PLEKHA7: variants seen among roughly 807,000 people sequenced by gnomAD.
PLEKHA7 encodes pleckstrin homology domain-containing family A member 7.
A neutral mutation model predicts 170.0 loss-of-function variants in PLEKHA7; 104 were observed. That is an observed-to-expected ratio of 0.61 (90% CI 0.52 to 0.72). The LOEUF (loss-of-function observed/expected upper bound fraction) is 0.72, where lower values mean the gene tolerates loss of function less well. PLEKHA7 is among the 30% of genes least tolerant of loss of function. The probability of loss-of-function intolerance (pLI) is 0.00; values close to 1 mark genes in which losing one functional copy is unlikely to be tolerated. For synonymous variants in PLEKHA7, 648 were observed against 660.8 expected, an observed-to-expected ratio of 0.98 and a Z score of 0.30; for missense variants, 1,615 against 1,671.7, an observed-to-expected ratio of 0.97 and a Z score of 0.59.
intron 3 of PLEKHA7, among the ~76,000 whole-genome samples, chr11:16,964,836 C>G (rs1047240476): frequency 6.6e-6 from 1 of 152,112 alleles, no homozygotes; most frequent in African/African-American, 2.4e-5. Flanking sequence ...TCAAGATGAC[C>G]CACGGAGTTC....
intron 3 of PLEKHA7, among the ~76,000 whole-genome samples, chr11:16,972,179 G>T (rs1462888498): frequency 1.3e-5 from 2 of 152,154 alleles, no homozygotes; most frequent in Admixed American, 6.5e-5. Flanking sequence ...CTGGAGTGCA[G>T]TGGCATGATC....
rs142208668 is a variant in PLEKHA7 at position 16,902,373 on chromosome 11, T to C, written c.222-31191A>G. On this transcript the variant is annotated intron_variant, in intron 3 of 26. Transcript: ENST00000531066. ...GGTATATACCTAGGAATGGAATTCA[T>C]GACTCATATGGTAACTTTACGTTTA... is the stretch of plus-strand genomic sequence containing the variant. Among the ~76,000 whole-genome samples the C allele has an allele frequency of 9.2e-5, 14 of 152,348 alleles. No individual in the cohort carries two copies. In the East Asian group the frequency reaches 2.7e-3, roughly 29 times the overall value.
chr11:16,855,986 C>A, intron 4 of PLEKHA7, 72 bp from the exon 5 acceptor site: 1 of 1,303,650 alleles, frequency 7.7e-7, no homozygotes, highest in African/African-American at 1.5e-5. Flanking sequence ...AGATCAGTTC[C>A]AGGTAGGAAT....
chr11:16,892,616 C>CTTTTT (rs1479729633), intron 3 of PLEKHA7, among the ~76,000 whole-genome samples: 23 of 82,856 alleles, frequency 2.8e-4, no homozygotes, highest in African/African-American at 1.1e-3. Flanking sequence ...CAGCTTCCAG[C>CTTTTT]TTCTTTTTTT....
chr11:16,926,933 G>T (rs1859594994), intron 3 of PLEKHA7, among the ~76,000 whole-genome samples: 1 of 152,182 alleles, frequency 6.6e-6, no homozygotes, highest in African/African-American at 2.4e-5. Context: ...ACCTTCACTT[G>T]AGGCTCCAAC....
intron 3 of PLEKHA7, among the ~76,000 whole-genome samples, chr11:16,943,721 C>A (rs1860839544): frequency 6.6e-6 from 1 of 152,192 alleles, no homozygotes; most frequent in South Asian, 2.1e-4. Flanking sequence ...TCGCATTCAT[C>A]ATTTCATCAG....
chr11:16,894,092 C>G (rs756731599), intron 3 of PLEKHA7, among the ~76,000 whole-genome samples: 58 of 152,146 alleles, frequency 3.8e-4, no homozygotes, highest in Admixed American at 9.8e-4. Flanking sequence ...CTCCAGAGGC[C>G]CAACAGCTCA....
At chr11:16,997,640 C>T (rs753953093) in intron 3 of PLEKHA7, among the ~76,000 whole-genome samples, 27 of 152,316 alleles carry the variant, frequency 1.8e-4, no homozygotes, top group Middle Eastern at 3.4e-3. Flanking sequence ...TCTCTGAGCC[C>T]CAGCACAGCC....
At chr11:16,957,734 C>T (rs1369802804) in intron 3 of PLEKHA7, among the ~76,000 whole-genome samples, 3 of 120,110 alleles carry the variant, frequency 2.5e-5, no homozygotes, top group African/African-American at 3.5e-5. Flanking sequence ...GACAGAGTCT[C>T]GCCCTGTTGC....
At chr11:16,815,526 T>G (rs557096527) in intron 12 of PLEKHA7, among the ~76,000 whole-genome samples, 1 of 151,736 alleles carries the variant, frequency 6.6e-6, no homozygotes, top group East Asian at 1.9e-4. Flanking sequence ...AGACTCAAGC[T>G]TTTTTTTTCT....
At chr11:16,955,133 C>T (rs926544425) in intron 3 of PLEKHA7, among the ~76,000 whole-genome samples, 12 of 152,148 alleles carry the variant, frequency 7.9e-5, no homozygotes, top group Admixed American at 3.3e-4. Context: ...CTATGCTAGG[C>T]GCCCTAGAGA....
chr11:16,875,510 G>A (rs529558439), intron 3 of PLEKHA7, among the ~76,000 whole-genome samples: 10 of 151,824 alleles, frequency 6.6e-5, no homozygotes, highest in South Asian at 6.3e-4. Context: ...GCAGTGGAAC[G>A]ATCTCAGCTC....
intron 23 of PLEKHA7, 36 bp from the exon 24 acceptor site, chr11:16,786,423 CCTG>C: frequency 1.3e-6 from 2 of 1,534,156 alleles, no homozygotes. Flanking sequence ...GTAGTCGCTT[CCTG>C]ATTGCTGAAA....
At chr11:17,002,448 C>T (rs1361401557) in intron 3 of PLEKHA7, among the ~76,000 whole-genome samples, 1 of 151,832 alleles carries the variant, frequency 6.6e-6, no homozygotes, top group Non-Finnish European at 1.5e-5. Context: ...TGATGAGAGC[C>T]ACAAGGCACC....
chr11:16,798,617 T>C (rs1461525696), intron 17 of PLEKHA7, among the ~76,000 whole-genome samples: 2 of 152,234 alleles, frequency 1.3e-5, no homozygotes, highest in Non-Finnish European at 2.9e-5. Flanking sequence ...TGCCATTTAG[T>C]AGACTAGTAA....
intron 19 of PLEKHA7, among the ~76,000 whole-genome samples, chr11:16,793,258 T>C (rs1025169590): frequency 2.0e-5 from 3 of 152,252 alleles, no homozygotes; most frequent in African/African-American, 7.2e-5. Context: ...TTCTGCCCTA[T>C]GTTGGCAGCC....
rs759903996 is a variant in PLEKHA7, at chr11:16,813,136, C to G, written c.1984G>C (p.Asp662His). Reference protein sequence around the residue: ...ADDTYLQLKKDLEYLDLKMTG... With the variant: ...ADDTYLQLKKHLEYLDLKMTG... ...ACCTTTAGATCCAGGTACTCCAGGT[C>G]TTTCTTCAGCTGGAGGTAGGTATCA... Residue 662 changes from aspartate (D) to histidine (H), a missense_variant, in exon 13 of 27, where the codon GAC becomes CAC. Transcript: ENST00000531066. 9 of 1,613,546 alleles carry G rather than the reference C, an allele frequency of 5.6e-6. No individual in the cohort carries two copies. The highest frequency in any genetic ancestry group is 3.3e-5 in the Admixed American group (2 of 59,992).
intron 3 of PLEKHA7, among the ~76,000 whole-genome samples, chr11:16,927,214 G>A (rs1859625228): frequency 6.6e-6 from 1 of 152,092 alleles, no homozygotes; most frequent in Admixed American, 6.6e-5. Context: ...GGTTGGATTA[G>A]GACATTGTTT....
intron 3 of PLEKHA7, among the ~76,000 whole-genome samples, chr11:16,928,966 A>C (rs1859746037): frequency 6.6e-6 from 1 of 152,236 alleles, no homozygotes; most frequent in South Asian, 2.1e-4. Context: ...TAACAATGTC[A>C]GAATTACAGT....
Sources: gnomAD v4.1 joint callset for allele counts (sites outside exome capture counted in the v4.1 genomes callset) on GRCh38, gnomAD v4.1.1 for gene constraint, MANE v1.5 for transcripts, NCBI Gene and HGNC (gene_info 2026-07-23, HGNC 2026-07-21) for gene names.